Variants in IRS2 observed in about 807,000 individuals in gnomAD.
The protein encoded by IRS2 is insulin receptor substrate 2.
In IRS2, 28 loss-of-function variants were observed where a neutral mutation model predicts 70.9. That is an observed-to-expected ratio of 0.39 (90% confidence interval 0.29 to 0.54). The LOEUF (loss-of-function observed/expected upper bound fraction) is 0.54. IRS2 is among the 20% of genes least tolerant of loss of function. IRS2 has a pLI of 0.59. For synonymous variants in IRS2, 1,217 were observed against 981.9 expected, an observed-to-expected ratio of 1.24 and a Z score of -4.48; for missense variants, 2,081 against 2,024.1, an observed-to-expected ratio of 1.03 and a Z score of -0.54.
chr13:109,775,008 T>C (rs1198869505), intron 1 of IRS2, among the ~76,000 whole-genome samples: 1 of 152,142 alleles, frequency 6.6e-6, no homozygotes, highest in African/African-American at 2.4e-5. Flanking sequence ...ACTTATACTT[T>C]GGAGGCCAAA....
intron 1 of IRS2, among the ~76,000 whole-genome samples, chr13:109,781,751 A>C (rs1476502375): frequency 6.6e-6 from 1 of 152,170 alleles, no homozygotes; most frequent in African/African-American, 2.4e-5. Flanking sequence ...CACTGTGTTA[A>C]GGGACAGGGG....
intron 1 of IRS2, among the ~76,000 whole-genome samples, chr13:109,769,266 T>C (rs898410842): frequency 6.6e-6 from 1 of 152,244 alleles, no homozygotes; most frequent in Non-Finnish European, 1.5e-5. Context: ...TGAAAGTTTT[T>C]AAAAGCTCTG....
Position 109,771,225 on chromosome 13 carries a change from A to G in IRS2, c.4012+10817T>C, listed in dbSNP as rs772077241. ...TAATCTCAACAATGTCTTTGCATCA[A>G]TGAATGCAAATTCATGGATGTTTAT... On this transcript the variant is annotated intron_variant, in intron 1 of 1. Transcript: ENST00000375856. Among the ~76,000 whole-genome samples, 229 of 152,266 alleles carry G rather than the reference A, an allele frequency of 1.5e-3. 3 individuals carry two copies. The highest frequency in any genetic ancestry group is 2.8e-4 in the Non-Finnish European group (19 of 68,030).
chr13:109,784,584 G>T lies in IRS2; in HGVS notation c.1470C>A (p.Gly490=), dbSNP rs1201315383. 1 of 1,373,136 alleles carries T rather than the reference G, an allele frequency of 7.3e-7. No individual in the cohort carries two copies. The highest frequency in any genetic ancestry group is 9.4e-7 in the Non-Finnish European group (1 of 1,068,786). 85.1% of individuals were successfully genotyped at this position (1,373,136 alleles called of 1,614,324 possible). A position where few individuals can be genotyped will look rare whatever the true frequency, so the allele number is the denominator to read the frequency against. ...ACATGAAGCCGGGGTCGCTGGGGGA[G>T]CCCGAGGCGGAGGCGCTGCCGCTGG... ...RPSSGSASAS[G]SPSDPGFMSL... The change falls in exon 1 of 2, where the codon GGC becomes GGA. Residue 490 remains glycine, a synonymous_variant. Coordinates refer to ENST00000375856, the MANE Select transcript of IRS2 (RefSeq NM_003749.3). This position sits in a 1 kb window ranked among gnomAD's most constrained non-coding sequence, Gnocchi z 5.2.
At chr13:109,763,074 G>C (rs1167853258) in intron 1 of IRS2, among the ~76,000 whole-genome samples, 2 of 152,220 alleles carry the variant, frequency 1.3e-5, no homozygotes, top group Non-Finnish European at 2.9e-5. Flanking sequence ...AGCTGTGACA[G>C]AGACTGCATG....
chr13:109,766,176 A>G (rs71439383), intron 1 of IRS2, among the ~76,000 whole-genome samples: 1 of 11,234 alleles, frequency 8.9e-5, no homozygotes, highest in African/African-American at 3.3e-4. Flanking sequence ...AACCACCCTG[A>G]CTCCGACTCC....
Position 109,784,064 on chromosome 13 carries a change from C to T in IRS2, c.1990G>A (p.Gly664Ser), listed in dbSNP as rs1490138751. 1.3e-6 allele frequency: 2 copies of T among 1,559,940 alleles called. No homozygotes were observed. The highest frequency in any genetic ancestry group is 1.9e-5 in the Admixed American group (1 of 53,744). Residue 664 changes from glycine to serine, a missense_variant, in exon 1 of 2, where the codon GGC (glycine) becomes AGC (serine). By Grantham distance (56) the Gly-to-Ser change is moderately conservative. Coordinates refer to ENST00000375856, the MANE Select transcript of IRS2 (RefSeq NM_003749.3). This position sits in a 1 kb window ranked among gnomAD's most constrained non-coding sequence, Gnocchi z 5.2. ...MPMTPGAALA[G>S]SGSGSCRSDD... ...CTCCTGCAGCTGCCGCTCCCACTGC[C>T]CGCGAGGGCCGCGCCGGGCGTCATG...
At chr13:109,772,797 G>C (rs1385315947) in intron 1 of IRS2, among the ~76,000 whole-genome samples, 2 of 150,290 alleles carry the variant, frequency 1.3e-5, no homozygotes, top group African/African-American at 2.5e-5. Flanking sequence ...CCGGGTTCAC[G>C]CCATTCTCCT....
At chr13:109,781,653 G>A (rs1043951409) in intron 1 of IRS2, among the ~76,000 whole-genome samples, 7 of 152,148 alleles carry the variant, frequency 4.6e-5, no homozygotes, top group African/African-American at 1.7e-4. Context: ...CCGGACCCGA[G>A]GTCCTTCCAG....
chr13:109,767,841 T>C (rs1398837197), intron 1 of IRS2, among the ~76,000 whole-genome samples: 1 of 149,922 alleles, frequency 6.7e-6, no homozygotes, highest in African/African-American at 2.4e-5. Context: ...CCAGCGATTC[T>C]CCTGCCTCAG....
In IRS2 at chr13:109,785,872, G is replaced by A. The variant is rs750038928; in HGVS notation, c.182C>T (p.Thr61Met). 15 of 1,504,600 alleles carry A rather than the reference G, an allele frequency of 1.0e-5. No individual in the cohort carries two copies. Among genetic ancestry groups the A allele is most frequent in the Non-Finnish European group, 1.2e-5 (14 of 1,132,292 alleles). The allele number at this position is 1,504,600 out of a possible 1,614,324, so 93.2% of individuals were successfully genotyped here. The stretch of plus-strand genomic sequence containing the variant: ...TTGCGGCGCCGACCCCCCGCCCGCC[G>A]TCGCCTCGTCGCCGCCCGCGCCGGG... ...RGPGAGGDEA[T>M]AGGGSAPQPP... The change falls in exon 1 of 2, where the codon ACG becomes ATG. Residue 61 changes from threonine to methionine, a missense_variant. Coordinates refer to ENST00000375856, the MANE Select transcript of IRS2 (RefSeq NM_003749.3). This position sits in a 1 kb window ranked among gnomAD's most constrained non-coding sequence, Gnocchi z 9.3.
intron 1 of IRS2, among the ~76,000 whole-genome samples, chr13:109,760,572 C>T (rs1877203952): frequency 6.6e-6 from 1 of 152,218 alleles, no homozygotes; most frequent in Non-Finnish European, 1.5e-5. Context: ...CTCCGCATCT[C>T]CTTTCTGCTG....
At chr13:109,760,300 T>A (rs560143002) in intron 1 of IRS2, among the ~76,000 whole-genome samples, 24 of 152,326 alleles carry the variant, frequency 1.6e-4, no homozygotes, top group South Asian at 4.1e-4. Flanking sequence ...GTGTTGCTCA[T>A]GAACACAATG....
rs567475360 is a variant in IRS2, at chr13:109,782,937, C to T, written c.3117G>A (p.Gly1039=). 21 of 1,472,104 alleles carry T rather than the reference C, an allele frequency of 1.4e-5. No individual in the cohort carries two copies. The South Asian group carries it at 2.3e-4, about 16-fold the overall frequency. The allele number at this position is 1,472,104 out of a possible 1,614,324, so 91.2% of individuals were successfully genotyped here. A position where few individuals can be genotyped will look rare whatever the true frequency, so the allele number is the denominator to read the frequency against. ...LQPPPPPPAP[G]ELYRLPPASA... is the part of the protein sequence containing the mutation. ...AGGCGGGGGGCAGGCGGTACAGCTC[C>T]CCCGGGGCCGGCGGCGGTGGCGGCG... Residue 1039 remains glycine (G), a synonymous_variant, in exon 1 of 2, where the codon GGG becomes GGA. Transcript: ENST00000375856.
intron 1 of IRS2, among the ~76,000 whole-genome samples, chr13:109,762,387 G>A (rs777278325): frequency 1.1e-3 from 172 of 152,224 alleles, no homozygotes; most frequent in African/African-American, 3.3e-3. Context: ...CAGGAAGCAC[G>A]AACAACTTGC....
chr13:109,783,414 G>A lies in IRS2; in HGVS notation c.2640C>T (p.Phe880=), dbSNP rs1415582140. ...VRPSGGRPEG[F]LGQRGRAVRP... is the part of the protein sequence containing the mutation. ...TCACCGCCCGGCCGCGCTGGCCCAA[G>A]AAGCCCTCCGGGCGGCCGCCGCTAG... The change falls in exon 1 of 2, where the codon TTC becomes TTT. Residue 880 remains phenylalanine, a synonymous_variant. Coordinates refer to ENST00000375856, the MANE Select transcript of IRS2 (RefSeq NM_003749.3). 2 of 1,486,374 alleles carry A rather than the reference G, an allele frequency of 1.3e-6. No individual in the cohort carries two copies. The highest frequency in any genetic ancestry group is 1.8e-6 in the Non-Finnish European group (2 of 1,127,790). 92.1% of individuals were successfully genotyped at this position (1,486,374 alleles called of 1,614,324 possible).
At chr13:109,775,672 A>G (rs924324789) in intron 1 of IRS2, among the ~76,000 whole-genome samples, 1 of 151,928 alleles carries the variant, frequency 6.6e-6, no homozygotes. Context: ...CAAAGAACAC[A>G]TCATTAATCC....
At position 109,783,339 on chromosome 13, in the gene IRS2, G is replaced by A. The variant is rs781762596; in HGVS notation, c.2715C>T (p.His905=). 1 of 1,558,608 alleles carries A rather than the reference G, an allele frequency of 6.4e-7. No individual in the cohort carries two copies. Among genetic ancestry groups the A allele is most frequent in the Non-Finnish European group, 8.6e-7 (1 of 1,161,546 alleles). ...LEGLPSLPSM[H]EYPLPPEPKS... ...TGGGCTCCGGTGGCAGTGGGTACTC[G>A]TGCATGCTGGGCAGGCTGGGCAGCC... is the stretch of plus-strand genomic sequence containing the variant. Residue 905 remains histidine (H), a synonymous_variant, in exon 1 of 2, where the codon CAC becomes CAT. Coordinates refer to ENST00000375856, the MANE Select transcript of IRS2 (RefSeq NM_003749.3).
At position 109,783,617 on chromosome 13, in the gene IRS2, G is replaced by C. The variant is rs201575226; in HGVS notation, c.2437C>G (p.Pro813Ala). The C allele has an allele frequency of 6.5e-7, 1 of 1,549,402 alleles. No individual in the cohort carries two copies. The highest frequency in any genetic ancestry group is 2.4e-5 in the East Asian group (1 of 41,174). The change falls in exon 1 of 2, where the codon CCC becomes GCC. Residue 813 changes from proline to alanine, a missense_variant. Coordinates refer to ENST00000375856, the MANE Select transcript of IRS2 (RefSeq NM_003749.3). Reference protein sequence around the residue: ...YSSLPRSYKAPYTCGGDSDQY... With the variant: ...YSSLPRSYKAAYTCGGDSDQY... ...TCGCTGTCCCCGCCACAGGTGTAGG[G>C]GGCCTTGTAGGAGCGGGGCAAGGAG...
Sources: gnomAD v4.1 joint callset for allele counts (sites outside exome capture counted in the v4.1 genomes callset) on GRCh38, gnomAD v4.1.1 for gene constraint, Gnocchi (gnomAD v3.1) non-coding constraint, MANE v1.5 for transcripts, NCBI Gene and HGNC (gene_info 2026-07-23, HGNC 2026-07-21) for gene names.